The following LHFPL6 variants were observed in gnomAD, a reference collection of about 807,000 sequenced individuals.
LHFPL6 encodes the protein LHFPL tetraspan subfamily member 6 protein.
Under a neutral mutation model 20.6 loss-of-function variants are expected in LHFPL6, and 9 were observed. The ratio of observed to expected loss-of-function variants is 0.44; its 90% CI spans 0.26 to 0.76. LHFPL6 has a LOEUF of 0.76. Ranked by LOEUF, LHFPL6 falls within the 30% of genes least tolerant of loss-of-function variation. The pLI is 0.20. For synonymous variants in LHFPL6, 105 were observed against 98.7 expected, an observed-to-expected ratio of 1.06 and a Z score of -0.38; for missense variants, 218 against 253.5, an observed-to-expected ratio of 0.86 and a Z score of 0.95.
intron 3 of LHFPL6, among the ~76,000 whole-genome samples, chr13:39,363,156 G>C (rs1057470309): frequency 6.6e-6 from 1 of 152,200 alleles, no homozygotes; most frequent in African/African-American, 2.4e-5. Context: ...GTCATCCCCA[G>C]GCAGCTCCAG....
chr13:39,526,148 C>A (rs1870279917), intron 2 of LHFPL6, among the ~76,000 whole-genome samples: 1 of 152,180 alleles, frequency 6.6e-6, no homozygotes, highest in Non-Finnish European at 1.5e-5. Context: ...GTTCAATAGA[C>A]AGTAACCCTA....
chr13:39,580,034 G>A (rs1229842629), intron 2 of LHFPL6, among the ~76,000 whole-genome samples: 10 of 152,050 alleles, frequency 6.6e-5, no homozygotes, highest in African/African-American at 2.4e-4. Flanking sequence ...ATTACGAAGT[G>A]CCATATTAAA....
intron 2 of LHFPL6, among the ~76,000 whole-genome samples, chr13:39,397,500 A>AGAGCTT (rs1401679121): frequency 6.6e-6 from 1 of 152,248 alleles, no homozygotes; most frequent in Non-Finnish European, 1.5e-5. Flanking sequence ...CTTTCTCCAA[A>AGAGCTT]GAGCTTGAAG....
At chr13:39,585,296 T>G (rs555892693) in intron 2 of LHFPL6, among the ~76,000 whole-genome samples, 1 of 152,354 alleles carries the variant, frequency 6.6e-6, no homozygotes, top group East Asian at 1.9e-4. Flanking sequence ...TCATAACATT[T>G]ACAGCTTGCA....
chr13:39,367,647 G>A (rs1268347312), intron 3 of LHFPL6, among the ~76,000 whole-genome samples: 2 of 152,100 alleles, frequency 1.3e-5, no homozygotes, highest in African/African-American at 4.8e-5. Flanking sequence ...TACTATATAG[G>A]TTCTAAGTCT....
intron 2 of LHFPL6, among the ~76,000 whole-genome samples, chr13:39,555,946 C>T (rs776166926): frequency 2.6e-5 from 4 of 152,112 alleles, no homozygotes; most frequent in Non-Finnish European, 2.9e-5. Context: ...TGAGTTCTCA[C>T]TCAATTAGTT....
chr13:39,432,688 G>A (rs1018735755), intron 2 of LHFPL6, among the ~76,000 whole-genome samples: 1 of 151,970 alleles, frequency 6.6e-6, no homozygotes, highest in Non-Finnish European at 1.5e-5. Context: ...TGTGCTTTAT[G>A]ATTTACTTAA....
In LHFPL6 at chr13:39,534,429, G is replaced by A. The variant is rs192437897; in HGVS notation, c.385+66403C>T. Among the ~76,000 whole-genome samples the A allele has an allele frequency of 1.2e-3, 176 of 152,214 alleles. 1 individual carries two copies. The highest frequency in any genetic ancestry group is 3.8e-3 in the African/African-American group (156 of 41,560). ...TATGATTGTGTGGTACACTAACAAC[G>A]GAAACTAGAAGAAGGCAATTACTGG... is the stretch of plus-strand genomic sequence containing the variant. On this transcript the variant is annotated intron_variant, in intron 2 of 3. Transcript: ENST00000379589.
chr13:39,370,207 C>G (rs1870129702), intron 3 of LHFPL6, among the ~76,000 whole-genome samples: 1 of 152,252 alleles, frequency 6.6e-6, no homozygotes, highest in Non-Finnish European at 1.5e-5. Flanking sequence ...GGTGGGCTCC[C>G]TTGGACGCGG....
intron 3 of LHFPL6, among the ~76,000 whole-genome samples, chr13:39,347,080 C>CAAA (rs11328909): frequency 2.5e-4 from 19 of 76,526 alleles, no homozygotes; most frequent in African/African-American, 6.8e-4. Context: ...ACTCTGTCTC[C>CAAA]AAAAAAAAAA....
chr13:39,417,311 C>A (rs1369753738), intron 2 of LHFPL6, among the ~76,000 whole-genome samples: 1 of 152,192 alleles, frequency 6.6e-6, no homozygotes, highest in Non-Finnish European at 1.5e-5. Context: ...ACTTGGGTGC[C>A]CCCAGAGGCT....
At chr13:39,494,908 A>G (rs866588218) in intron 2 of LHFPL6, among the ~76,000 whole-genome samples, 17 of 152,210 alleles carry the variant, frequency 1.1e-4, no homozygotes, top group Non-Finnish European at 1.5e-4. Context: ...CAGATTGCTT[A>G]TACTACCGAT....
At chr13:39,549,402 T>G (rs9548811) in intron 2 of LHFPL6, among the ~76,000 whole-genome samples, 68,836 of 151,756 alleles carry the variant, frequency 0.45, 16,655 homozygotes, top group East Asian at 0.58. Flanking sequence ...AAAAGTATGC[T>G]AGAAATCTTT....
intron 2 of LHFPL6, among the ~76,000 whole-genome samples, chr13:39,523,593 G>T (rs1443715752): frequency 4.7e-5 from 7 of 149,200 alleles, no homozygotes; most frequent in African/African-American, 1.5e-4. Context: ...AAGCCCAACA[G>T]ATATGAAGAC....
intron 2 of LHFPL6, among the ~76,000 whole-genome samples, chr13:39,459,194 A>ATATGTGTG (rs1354270901): frequency 6.6e-5 from 9 of 136,070 alleles, no homozygotes; most frequent in African/African-American, 2.2e-4. Flanking sequence ...AAGTTCCTTA[A>ATATGTGTG]TGTGTGTGTG....
At chr13:39,423,198 C>T (rs760394224) in intron 2 of LHFPL6, among the ~76,000 whole-genome samples, 5 of 152,126 alleles carry the variant, frequency 3.3e-5, no homozygotes, top group Non-Finnish European at 7.4e-5. Context: ...TCTTGTAGTA[C>T]TCAGATTATC....
chr13:39,514,739 G>A (rs1044175043), intron 2 of LHFPL6, among the ~76,000 whole-genome samples: 21 of 152,210 alleles, frequency 1.4e-4, no homozygotes, highest in Non-Finnish European at 2.4e-4. Context: ...TGAATTCAAC[G>A]TGAATGCATT....
At chr13:39,350,224 T>C (rs1380875057) in intron 3 of LHFPL6, among the ~76,000 whole-genome samples, 24 of 152,294 alleles carry the variant, frequency 1.6e-4, no homozygotes, top group Non-Finnish European at 2.9e-5. Flanking sequence ...TTCAGTTCAA[T>C]GAAATAAACC....
At chr13:39,477,606 C>A (rs961331376) in intron 2 of LHFPL6, among the ~76,000 whole-genome samples, 4 of 152,106 alleles carry the variant, frequency 2.6e-5, no homozygotes, top group Non-Finnish European at 5.9e-5. Context: ...TTAGAGCATG[C>A]GAGAATTCAT....
Sources: allele counts gnomAD v4.1 joint callset (sites outside exome capture counted in the v4.1 genomes callset), GRCh38; gene constraint gnomAD v4.1.1; transcripts MANE v1.5; gene names NCBI Gene and HGNC (gene_info 2026-07-23, HGNC 2026-07-21).